The following CLEC4G variants were observed in gnomAD, a reference collection of about 807,000 sequenced individuals.
CLEC4G encodes C-type lectin domain family 4 member G.
In CLEC4G, 34 loss-of-function variants were observed where a neutral mutation model predicts 37.0. The ratio of observed to expected loss-of-function variants is 0.92; its 90% confidence interval spans 0.70 to 1.22. The LOEUF (loss-of-function observed/expected upper bound fraction) is 1.22, where lower values mean the gene tolerates loss of function less well. Ranked by LOEUF, CLEC4G falls within the 50% of genes most tolerant of loss-of-function variation. The pLI, the probability that CLEC4G is intolerant of heterozygous loss-of-function variation, is 0.00. For synonymous variants in CLEC4G, 167 were observed against 165.6 expected (o/e 1.01, Z -0.06); for missense variants, 390 against 392.9 (o/e 0.99, Z 0.06).
intron 3 of CLEC4G, 50 bp from the exon 4 acceptor site, chr19:7,731,138 G>A: frequency 6.3e-7 from 1 of 1,599,836 alleles, no homozygotes; most frequent in South Asian, 1.1e-5. Flanking sequence ...CACTTGGGAG[G>A]ACTCAGGGGA....
intron 8 of CLEC4G, 66 bp downstream of exon 8, chr19:7,729,755 C>T (rs988764444): frequency 6.3e-7 from 1 of 1,594,236 alleles, no homozygotes; most frequent in Non-Finnish European, 8.5e-7. Context: ...GAGATCTAGC[C>T]AAAGCATGTC....
intron 3 of CLEC4G, 88 bp downstream of exon 3, chr19:7,731,178 C>T: frequency 6.3e-7 from 1 of 1,580,766 alleles, no homozygotes; most frequent in Non-Finnish European, 8.6e-7. Flanking sequence ...ACCATAGGGC[C>T]CCCACGCACT....
chr19:7,729,702 G>A (rs1169676784), intron 8 of CLEC4G, 119 bp downstream of exon 8: 2 of 1,505,564 alleles, frequency 1.3e-6, no homozygotes, highest in East Asian at 4.6e-5. Flanking sequence ...CTGGGGTCCA[G>A]CCTGCCCATC....
chr19:7,731,253 G>A lies in CLEC4G; in HGVS notation c.220+13C>T. On this transcript the variant is annotated intron_variant, in intron 3 of 8. Coordinates refer to ENST00000328853, the MANE Select transcript of CLEC4G (RefSeq NM_198492.4). Reference sequence around the variant, plus strand: ...CACGCCCCGGGGGCCCAGGCGCCCGGCTCTGCACACACCGTTTGTCCTCAG... The same window carrying A: ...CACGCCCCGGGGGCCCAGGCGCCCGACTCTGCACACACCGTTTGTCCTCAG... 6.3e-7 allele frequency: 1 copy of A among 1,590,582 alleles called. No individual in the cohort carries two copies.
chr19:7,730,137 A>C lies in CLEC4G; in HGVS notation c.509T>G (p.Leu170Arg). Residue 170 changes from leucine (L) to arginine (R), a missense_variant, in exon 7 of 9, where the codon CTG becomes CGG. Leu to Arg is a moderately radical substitution (Grantham distance 102). Transcript: ENST00000328853. The surrounding 1 kb of genome is among the most constrained non-coding windows in gnomAD (Gnocchi z 7.3). ...NSCEPCPTSW[L>R]SFEGSCYFFS... ...AAAGTAGCAGGAGCCCTCGAAGGAC[A>C]GCCACGACGTGGGGCACGGCTCGCA... is the stretch of plus-strand genomic sequence containing the variant. 6.2e-7 allele frequency: 1 copy of C among 1,613,062 alleles called. No individual in the cohort carries two copies. Among genetic ancestry groups the C allele is most frequent in the Non-Finnish European group, 8.5e-7 (1 of 1,179,720 alleles).
rs373956291 is a variant in CLEC4G, at chr19:7,732,070, G to A, written c.33C>T (p.Gly11=). Residue 11 remains glycine (G), a synonymous_variant, in exon 1 of 9, where the codon GGC becomes GGT. Transcript: ENST00000328853. ...TACCTCCGGGGACCTCCTCGGAGCT[G>A]CCGCCCCACTTGCTGTACCTGGTGG... is the stretch of plus-strand genomic sequence containing the variant. MDTTRYSKWG[G]SSEEVPGGPW... is the part of the protein sequence containing the mutation. 1.2e-6 allele frequency: 2 copies of A among 1,610,154 alleles called. No individual in the cohort carries two copies. The highest frequency in any genetic ancestry group is 1.7e-6 in the Non-Finnish European group (2 of 1,176,328).
rs377267688 is a variant in CLEC4G at position 7,729,535 on chromosome 19, G to A, written c.744-31C>T. 38 of 1,544,168 alleles carry A rather than the reference G, an allele frequency of 2.5e-5. 1 individual carries two copies. The African/African-American group carries it at 4.6e-4, about 19-fold the overall frequency. The stretch of plus-strand genomic sequence containing the variant: ...GGGGGGTTGAGTGGGGGTGTTGCTG[G>A]GAATCTAGACAGAGGATGAACTCGG... On this transcript the variant is annotated intron_variant, in intron 8 of 8. Transcript: ENST00000328853.
Position 7,729,036 on chromosome 19 carries a change from A to G in CLEC4G, c.*330T>C, listed in dbSNP as rs1240109614. The G allele has an allele frequency of 4.8e-6, 2 of 419,856 alleles. No homozygotes were observed. The highest frequency in any genetic ancestry group is 9.1e-6 in the Non-Finnish European group (2 of 220,156). The allele number at this position is 419,856 out of a possible 1,614,324, so 26.0% of individuals were successfully genotyped here. A position where few individuals can be genotyped will look rare whatever the true frequency, so the allele number is the denominator to read the frequency against. ...CTTCCAGTTTGGTGGAAAATGCGAG[A>G]AAACCAAACAGCTCCAGTCCTCAGT... On this transcript the variant is annotated 3_prime_UTR_variant, in exon 9 of 9. Transcript: ENST00000328853.
chr19:7,730,015 G>A lies in CLEC4G; in HGVS notation c.627+4C>T, dbSNP rs769076170. 3.8e-6 allele frequency: 6 copies of A among 1,594,868 alleles called. No individual in the cohort carries two copies. The highest frequency in any genetic ancestry group is 2.2e-5 in the South Asian group (2 of 89,510). ...GCCTGACCACGCCCCCTCCCCCTGCGCACCTGCTCATCCAGGCCCCCAACG... is the reference window on the plus strand; with the variant it reads ...GCCTGACCACGCCCCCTCCCCCTGCACACCTGCTCATCCAGGCCCCCAACG... On this transcript the variant is annotated splice_donor_region_variant and intron_variant, in intron 7 of 8. Transcript: ENST00000328853. The surrounding 1 kb of genome is among the most constrained non-coding windows in gnomAD (Gnocchi z 7.3).
rs752286469 is a variant in CLEC4G at position 7,731,087 on chromosome 19, G to A, written c.222C>T (p.Ala74=). 6.2e-7 allele frequency: 1 copy of A among 1,605,612 alleles called. No homozygotes were observed. The highest frequency in any genetic ancestry group is 2.2e-5 in the East Asian group (1 of 44,828). Reference sequence around the variant, plus strand: ...CACCCAGCGCCGCCGTCTGCTTCGAGGCTGGAACGACCCCCGCCCCAAAAT... The same window carrying A: ...CACCCAGCGCCGCCGTCTGCTTCGAAGCTGGAACGACCCCCGCCCCAAAAT... The part of the protein sequence containing the change: ...LDGHDLLRTN[A]SKQTAALGAL... The change falls in exon 4 of 9, where the codon GCC becomes GCT. Residue 74 remains alanine, a splice_region_variant and synonymous_variant. Coordinates refer to ENST00000328853, the MANE Select transcript of CLEC4G (RefSeq NM_198492.4).
chr19:7,729,850 C>T lies in CLEC4G; in HGVS notation c.714G>A (p.Gln238=). 6.2e-7 allele frequency: 1 copy of T among 1,614,222 alleles called. No individual in the cohort carries two copies. Among genetic ancestry groups the T allele is most frequent in the South Asian group, 1.1e-5 (1 of 91,086 alleles). Reference sequence around the variant, plus strand: ...AGCTGAGAGAGACTCCGTCCACCCACTGGTAGCCCTGAACCTTGCCCAGAT... The same window carrying T: ...AGCTGAGAGAGACTCCGTCCACCCATTGGTAGCCCTGAACCTTGCCCAGAT... ...VRHLGKVQGY[Q]WVDGVSLSFS... Residue 238 remains glutamine (Q), a synonymous_variant, in exon 8 of 9, where the codon CAG becomes CAA. Transcript: ENST00000328853.
Position 7,730,666 on chromosome 19 carries a change from T to C in CLEC4G, c.388+89A>G. On this transcript the variant is annotated intron_variant, in intron 5 of 8. Coordinates refer to ENST00000328853, the MANE Select transcript of CLEC4G (RefSeq NM_198492.4). The surrounding 1 kb of genome is among the most constrained non-coding windows in gnomAD (Gnocchi z 7.3). ...AGCGTCAGGGTCAGGACGGGGTGCA[T>C]GATCGGGGTCGGGGGTCAGCACTCA... The C allele has an allele frequency of 6.8e-7, 1 of 1,464,312 alleles. No homozygotes were observed. Among genetic ancestry groups the C allele is most frequent in the Non-Finnish European group, 9.0e-7 (1 of 1,111,666 alleles). The allele number at this position is 1,464,312 out of a possible 1,614,324, so 90.7% of individuals were successfully genotyped here.
rs755178489 is a variant in CLEC4G, at chr19:7,730,164, G to T, written c.482C>A (p.Ser161Tyr). ...ALEAVRLQNNSCEPCPTSWLS... is the reference protein window; with the variant it reads ...ALEAVRLQNNYCEPCPTSWLS... ...CCACGACGTGGGGCACGGCTCGCAG[G>T]AGTCTGCGGGGTGGCGAGGGTCAGA... Residue 161 changes from serine to tyrosine, a missense_variant, in exon 7 of 9, where the codon TCC becomes TAC. Transcript: ENST00000328853. The surrounding 1 kb of genome is among the most constrained non-coding windows in gnomAD (Gnocchi z 7.3). 5 of 1,611,992 alleles carry T rather than the reference G, an allele frequency of 3.1e-6. No homozygotes were observed. The highest frequency in any genetic ancestry group is 3.3e-5 in the Admixed American group (2 of 59,882).
chr19:7,731,235 C>CG (rs2033427343), intron 3 of CLEC4G, 31 bp downstream of exon 3: 8 of 1,581,402 alleles, frequency 5.1e-6, no homozygotes, highest in Non-Finnish European at 6.9e-6. Flanking sequence ...CCTCACGCCC[C>CG]GGGGGCCCAG....
Position 7,730,011 on chromosome 19 carries a change from C to G in CLEC4G, c.627+8G>C, listed in dbSNP as rs2033402806. 1.3e-6 allele frequency: 2 copies of G among 1,595,908 alleles called. No homozygotes were observed. The highest frequency in any genetic ancestry group is 1.7e-6 in the Non-Finnish European group (2 of 1,172,870). On this transcript the variant is annotated splice_region_variant and intron_variant, in intron 7 of 8. Coordinates refer to ENST00000328853, the MANE Select transcript of CLEC4G (RefSeq NM_198492.4). The surrounding 1 kb of genome is among the most constrained non-coding windows in gnomAD (Gnocchi z 7.3). The stretch of plus-strand genomic sequence containing the variant: ...CACCGCCTGACCACGCCCCCTCCCC[C>G]TGCGCACCTGCTCATCCAGGCCCCC...
Position 7,730,926 on chromosome 19 carries a change from C to A in CLEC4G, c.284-67G>T, listed in dbSNP as rs556577101. The A allele has an allele frequency of 1.4e-5, 20 of 1,478,958 alleles. No individual in the cohort carries two copies. The highest frequency in any genetic ancestry group is 7.7e-5 in the East Asian group (3 of 39,182). The allele number at this position is 1,478,958 out of a possible 1,614,324, so 91.6% of individuals were successfully genotyped here. On this transcript the variant is annotated intron_variant, in intron 4 of 8. Coordinates refer to ENST00000328853, the MANE Select transcript of CLEC4G (RefSeq NM_198492.4). This position sits in a 1 kb window ranked among gnomAD's most constrained non-coding sequence, Gnocchi z 7.3. ...GGGCGGGACTTCGGAGACCAGCCCC[C>A]GCCCCGCACCACCCGCCGCAGGCCT...
rs1214854198 is a variant in CLEC4G, at chr19:7,729,234, G to A, written c.*132C>T. ...TGGACAGGGCTATGTTGGGCCAAGTGTTTCTGAGACTCAGCAGCGGTGGAT... is the reference window on the plus strand; with the variant it reads ...TGGACAGGGCTATGTTGGGCCAAGTATTTCTGAGACTCAGCAGCGGTGGAT... On this transcript the variant is annotated 3_prime_UTR_variant, in exon 9 of 9. Transcript: ENST00000328853. The A allele has an allele frequency of 1.4e-6, 1 of 732,988 alleles. No individual in the cohort carries two copies. Among genetic ancestry groups the A allele is most frequent in the South Asian group, 1.4e-5 (1 of 69,056 alleles). The allele number at this position is 732,988 out of a possible 1,614,324, so 45.4% of individuals were successfully genotyped here.
chr19:7,730,175 G>A lies in CLEC4G; in HGVS notation c.479-8C>T, dbSNP rs1014143982. Reference sequence around the variant, plus strand: ...GGCACGGCTCGCAGGAGTCTGCGGGGTGGCGAGGGTCAGAGAGGTCGCGTG... The same window carrying A: ...GGCACGGCTCGCAGGAGTCTGCGGGATGGCGAGGGTCAGAGAGGTCGCGTG... On this transcript the variant is annotated splice_polypyrimidine_tract_variant and splice_region_variant and intron_variant, in intron 6 of 8. Transcript: ENST00000328853. This position sits in a 1 kb window ranked among gnomAD's most constrained non-coding sequence, Gnocchi z 7.3. The A allele has an allele frequency of 1.9e-6, 3 of 1,611,258 alleles. No individual in the cohort carries two copies. Among genetic ancestry groups the A allele is most frequent in the Non-Finnish European group, 2.5e-6 (3 of 1,179,098 alleles).
At position 7,730,930 on chromosome 19, in the gene CLEC4G, C is replaced by CA. The variant is rs1429339846; in HGVS notation, c.284-72_284-71insT. 4 of 1,489,018 alleles carry CA rather than the reference C, an allele frequency of 2.7e-6. No homozygotes were observed. In the African/African-American group the frequency reaches 5.7e-5, roughly 21 times the overall value. 92.2% of individuals were successfully genotyped at this position (1,489,018 alleles called of 1,614,324 possible). ...GGGACTTCGGAGACCAGCCCCCGCC[C>CA]CGCACCACCCGCCGCAGGCCTCCGC... On this transcript the variant is annotated intron_variant, in intron 4 of 8. Coordinates refer to ENST00000328853, the MANE Select transcript of CLEC4G (RefSeq NM_198492.4). This position sits in a 1 kb window ranked among gnomAD's most constrained non-coding sequence, Gnocchi z 7.3.
Sources: allele counts gnomAD v4.1 joint callset, GRCh38; gene constraint gnomAD v4.1.1; non-coding constraint Gnocchi (gnomAD v3.1); transcripts MANE v1.5; gene names NCBI Gene and HGNC (gene_info 2026-07-23, HGNC 2026-07-21).